MEGF10: variants seen among roughly 807,000 people sequenced by gnomAD.
The protein encoded by MEGF10 is multiple EGF like domains 10, also known as multiple epidermal growth factor-like domains protein 10.
Under a neutral mutation model 147.5 loss-of-function variants are expected in MEGF10, and 86 were observed. The ratio of observed to expected loss-of-function variants is 0.58; its 90% CI spans 0.49 to 0.70. The LOEUF (loss-of-function observed/expected upper bound fraction) is 0.70, where lower values mean the gene tolerates loss of function less well. Among genes scored for constraint, MEGF10 ranks in the 30% least tolerant of loss-of-function variants. The pLI, the probability that MEGF10 is intolerant of heterozygous loss-of-function variation, is 0.00. For missense variants in MEGF10, 1,329 were observed against 1,487.3 expected (o/e 0.89, Z 1.75); for synonymous variants, 478 against 525.5 (o/e 0.91, Z 1.24).
At chr5:127,290,637 G>C (rs1001569454), upstream of MEGF10, among the ~76,000 whole-genome samples, 14 of 152,322 alleles carry the variant, frequency 9.2e-5, no homozygotes, top group African/African-American at 3.4e-4. Context: ...CAGTCAGGCC[G>C]GGAAGATCCT....
the MEGF10 span, among the ~76,000 whole-genome samples, chr5:127,248,442 T>TTTTTAAAACAATGTTTA: frequency 6.6e-6 from 1 of 152,034 alleles, no homozygotes; most frequent in East Asian, 1.9e-4. Flanking sequence ...TAGAACACAG[T>TTTTTAAAACAATGTTTA]TTTTAAAACA....
intron 9 of MEGF10, among the ~76,000 whole-genome samples, chr5:127,414,013 T>G (rs1764666803): frequency 6.6e-6 from 1 of 152,264 alleles, no homozygotes; most frequent in South Asian, 2.1e-4. Context: ...TCATTTGTTT[T>G]ACAATATGTT....
At chr5:127,329,591 A>G (rs959074533) in intron 1 of MEGF10, among the ~76,000 whole-genome samples, 4 of 152,044 alleles carry the variant, frequency 2.6e-5, no homozygotes, top group Non-Finnish European at 5.9e-5. Flanking sequence ...TTATTATTCA[A>G]TACATTTGGT....
chr5:127,440,850 G>C lies in MEGF10; in HGVS notation c.2345G>C (p.Gly782Ala). 6.2e-7 allele frequency: 1 copy of C among 1,614,104 alleles called. No homozygotes were observed. The highest frequency in any genetic ancestry group is 8.5e-7 in the Non-Finnish European group (1 of 1,179,966). Residue 782 changes from glycine to alanine, a missense_variant, in exon 18 of 25, where the codon GGA becomes GCA. By Grantham distance (60) the Gly-to-Ala change is moderately conservative. Transcript: ENST00000503335. ...GQCTCRTGFM[G>A]RHCEQKCPSG... ...TGTACTTGCCGCACTGGATTCATGG[G>C]ACGGCACTGTGAGCAGAGTAAGTAT...
intron 8 of MEGF10, among the ~76,000 whole-genome samples, chr5:127,405,716 T>A (rs1202121754): frequency 1.3e-5 from 2 of 152,146 alleles, no homozygotes; most frequent in Non-Finnish European, 2.9e-5. Context: ...TTCAGTATAG[T>A]CTCATGTTTG....
chr5:127,438,540 G>A lies in MEGF10; in HGVS notation c.2206G>A (p.Gly736Ser). 6.2e-7 allele frequency: 1 copy of A among 1,614,094 alleles called. No individual in the cohort carries two copies. The highest frequency in any genetic ancestry group is 8.5e-7 in the Non-Finnish European group (1 of 1,179,970). ...AYDGECKCTP[G>S]WTGLYCTQRC... is the part of the protein sequence containing the mutation. ...CGATGGGGAATGTAAATGCACTCCT[G>A]GCTGGACAGGGCTCTACTGCACTCA... Residue 736 changes from glycine to serine, a missense_variant, in exon 17 of 25, where the codon GGC becomes AGC. Physicochemically the swap from Gly to Ser is moderately conservative, Grantham distance 56 (BLOSUM62 0). Coordinates refer to ENST00000503335, the MANE Select transcript of MEGF10 (RefSeq NM_001256545.2).
rs189301091 is a variant in MEGF10, at chr5:127,379,907, G to A, written c.412+9905G>A. On this transcript the variant is annotated intron_variant, in intron 5 of 24. Transcript: ENST00000503335. ...TGTGAGGCACCACGCCTGGCCACACGGCTGGCTTCTGTAGGTCAGTTAGTC... is the reference window on the plus strand; with the variant it reads ...TGTGAGGCACCACGCCTGGCCACACAGCTGGCTTCTGTAGGTCAGTTAGTC... Among the ~76,000 whole-genome samples the A allele has an allele frequency of 7.4e-4, 112 of 152,146 alleles. 3 individuals are homozygous for A. Among genetic ancestry groups the A allele is most frequent in the Admixed American group, 4.4e-3 (67 of 15,280 alleles).
chr5:127,438,408 C>A, intron 16 of MEGF10, 31 bp from the exon 17 acceptor site: 1 of 1,610,882 alleles, frequency 6.2e-7, no homozygotes, highest in South Asian at 1.1e-5. Flanking sequence ...CCTCAGAACT[C>A]TGATGGACTT....
Position 127,452,965 on chromosome 5 carries a change from G to T in MEGF10, c.2981-1601G>T, listed in dbSNP as rs182870252. On this transcript the variant is annotated intron_variant, in intron 22 of 24. Coordinates refer to ENST00000503335, the MANE Select transcript of MEGF10 (RefSeq NM_001256545.2). The stretch of plus-strand genomic sequence containing the variant: ...AGAGAGGAAAATATTCCCATTTCCT[G>T]TCCCACGATGATTGATATCTGACAG... Among the ~76,000 whole-genome samples the T allele has an allele frequency of 2.8e-3, 423 of 152,192 alleles. 3 individuals carry two copies. The highest frequency in any genetic ancestry group is 9.7e-3 in the African/African-American group (402 of 41,516).
At chr5:127,281,933 C>T in the MEGF10 span, among the ~76,000 whole-genome samples, 6 of 152,224 alleles carry the variant, frequency 3.9e-5, no homozygotes, top group African/African-American at 1.4e-4. Flanking sequence ...GCCCAGATAC[C>T]TCTTGTGGTG....
At chr5:127,402,789 A>G in intron 8 of MEGF10, 107 bp downstream of exon 8, 1 of 1,181,102 alleles carries the variant, frequency 8.5e-7, no homozygotes, top group Non-Finnish European at 1.2e-6. Context: ...CTCTTCCATA[A>G]TATTTCAGAA....
chr5:127,417,738 C>G lies in MEGF10; in HGVS notation c.1231C>G (p.Gln411Glu). Residue 411 changes from glutamine (Q) to glutamate (E), a missense_variant, in exon 10 of 25, where the codon CAG (glutamine) becomes GAG (glutamate). This residue lies in a region of MEGF10 where 980 missense variants were observed against 1,085.9 expected (regional missense o/e 0.90). Coordinates refer to ENST00000503335, the MANE Select transcript of MEGF10 (RefSeq NM_001256545.2). Reference protein sequence around the residue: ...SPGFYGEACQQICSCQNGADC... With the variant: ...SPGFYGEACQEICSCQNGADC... ...TGGATTCTACGGGGAAGCTTGCCAG[C>G]AGATCTGCAGCTGCCAAAATGGGGC... 6.2e-7 allele frequency: 1 copy of G among 1,614,100 alleles called. No homozygotes were observed. The highest frequency in any genetic ancestry group is 1.3e-5 in the African/African-American group (1 of 75,038).
intron 1 of MEGF10, among the ~76,000 whole-genome samples, chr5:127,305,133 T>C (rs1401771268): frequency 2.0e-5 from 3 of 152,232 alleles, no homozygotes; most frequent in African/African-American, 7.2e-5. Flanking sequence ...TTTCCTATCA[T>C]ACATTAGTGA....
chr5:127,449,051 C>T (rs1766054766), intron 21 of MEGF10, 48 bp from the exon 22 acceptor site: 1 of 1,607,690 alleles, frequency 6.2e-7, no homozygotes, highest in Non-Finnish European at 8.5e-7. Flanking sequence ...CTGTGCTGTG[C>T]CGCATTGTAT....
At chr5:127,267,922 A>G in the MEGF10 span, among the ~76,000 whole-genome samples, 2 of 151,944 alleles carry the variant, frequency 1.3e-5, no homozygotes, top group Non-Finnish European at 2.9e-5. Context: ...TATCTCCTTC[A>G]GTTCTTCTCT....
rs575023948 is a variant in MEGF10 at position 127,293,190 on chromosome 5, G to T, written c.-19+2134G>T. Among the ~76,000 whole-genome samples, 3 of 152,242 alleles carry T rather than the reference G, an allele frequency of 2.0e-5. No individual in the cohort carries two copies. The South Asian group carries it at 6.2e-4, about 32-fold the overall frequency. ...TTAAATTAGCTGCCTTACTTCATTG[G>T]TGGCTGTTTTTGAACCCCCACTTTT... is the stretch of plus-strand genomic sequence containing the variant. On this transcript the variant is annotated intron_variant, in intron 1 of 24. Coordinates refer to ENST00000503335, the MANE Select transcript of MEGF10 (RefSeq NM_001256545.2).
chr5:127,242,836 CA>C, the MEGF10 span, among the ~76,000 whole-genome samples: 2 of 151,932 alleles, frequency 1.3e-5, no homozygotes, highest in African/African-American at 4.8e-5. Context: ...CTGGACCTCA[CA>C]AAAAATATAG....
chr5:127,365,335 T>A (rs940509307), intron 4 of MEGF10, among the ~76,000 whole-genome samples: 1 of 152,220 alleles, frequency 6.6e-6, no homozygotes, highest in Non-Finnish European at 1.5e-5. Context: ...TTTTTTGCCA[T>A]CCCTAGGTGA....
chr5:127,343,588 C>A (rs1761765742), intron 4 of MEGF10, among the ~76,000 whole-genome samples: 1 of 152,144 alleles, frequency 6.6e-6, no homozygotes. Context: ...TTTCAGAGAT[C>A]AGAACACTTC....
Sources: allele counts gnomAD v4.1 joint callset (sites outside exome capture counted in the v4.1 genomes callset), GRCh38; gene constraint gnomAD v4.1.1; regional missense constraint gnomAD v4.1.1; transcripts MANE v1.5; gene names NCBI Gene and HGNC (gene_info 2026-07-23, HGNC 2026-07-21).